The following USP45 variants were observed in gnomAD, a reference collection of about 807,000 sequenced individuals.
USP45 encodes the protein ubiquitin specific peptidase 45.
USP45 carries 89 observed loss-of-function variants against 95.8 expected under a neutral mutation model. The ratio of observed to expected loss-of-function variants is 0.93; its 90% CI spans 0.78 to 1.11. The LOEUF (loss-of-function observed/expected upper bound fraction) is 1.11, where lower values mean the gene tolerates loss of function less well. Among genes scored for constraint, USP45 ranks in the 50% least tolerant of loss-of-function variants. The pLI is 0.00. For missense variants in USP45, 898 were observed against 942.5 expected, an observed-to-expected ratio of 0.95 and a Z score of 0.62; for synonymous variants, 281 against 316.2, an observed-to-expected ratio of 0.89 and a Z score of 1.18.
At chr6:99,464,502 A>C in intron 13 of USP45, 102 bp downstream of exon 13, 7 of 1,312,598 alleles carry the variant, frequency 5.3e-6, no homozygotes, top group Non-Finnish European at 7.1e-6. Context: ...AAATGGGTAC[A>C]TGAGAGTTTA....
At chr6:99,437,713 A>C (rs1014178928) in intron 16 of USP45, among the ~76,000 whole-genome samples, 2 of 151,832 alleles carry the variant, frequency 1.3e-5, no homozygotes, top group Non-Finnish European at 2.9e-5. Context: ...GCTGGAGTGC[A>C]ATGGTGTGAT....
At chr6:99,484,260 T>G (rs1793264160) in intron 7 of USP45, among the ~76,000 whole-genome samples, 1 of 151,794 alleles carries the variant, frequency 6.6e-6, no homozygotes, top group Non-Finnish European at 1.5e-5. Flanking sequence ...TTCAAACTCT[T>G]GGACCCAAGT....
At chr6:99,514,451 C>T (rs933879462) in intron 1 of USP45, among the ~76,000 whole-genome samples, 15 of 152,284 alleles carry the variant, frequency 9.9e-5, no homozygotes, top group East Asian at 1.9e-4. Flanking sequence ...GCAAGCAGTC[C>T]TTTCTAAGGA....
chr6:99,490,371 G>C (rs1024519716), intron 5 of USP45, among the ~76,000 whole-genome samples: 3 of 151,316 alleles, frequency 2.0e-5, no homozygotes, highest in African/African-American at 7.3e-5. Flanking sequence ...GTAGAGAAGA[G>C]GTTTCACCAT....
At position 99,503,673 on chromosome 6, in the gene USP45, C is replaced by A; in HGVS notation, c.478+92G>T. ...ATTCAAATTATTGGCTGGGCTGTCACAGTAAAATCTAAAGTATTCTTTATG... is the reference window on the plus strand; with the variant it reads ...ATTCAAATTATTGGCTGGGCTGTCAAAGTAAAATCTAAAGTATTCTTTATG... On this transcript the variant is annotated intron_variant, in intron 5 of 17. Coordinates refer to ENST00000500704, the MANE Select transcript of USP45 (RefSeq NM_001346022.3). 4 of 847,816 alleles carry A rather than the reference C, an allele frequency of 4.7e-6. No individual in the cohort carries two copies. The South Asian group carries it at 6.5e-5, about 14-fold the overall frequency. 52.5% of individuals were successfully genotyped at this position (847,816 alleles called of 1,614,324 possible). A position where few individuals can be genotyped will look rare whatever the true frequency, so the allele number is the denominator to read the frequency against.
chr6:99,503,644 C>T, intron 5 of USP45, 121 bp downstream of exon 5: 2 of 692,376 alleles, frequency 2.9e-6, no homozygotes, highest in Non-Finnish European at 2.3e-6. Flanking sequence ...CTCATAATAT[C>T]TTTATTCAAA....
chr6:99,461,107 A>T (rs1242274509), intron 13 of USP45: 9 of 894,434 alleles, frequency 1.0e-5, no homozygotes, highest in African/African-American at 1.8e-5. Context: ...TTTATGAAAT[A>T]AAAAAAAAAT....
chr6:99,467,760 T>A (rs928292175), intron 10 of USP45, among the ~76,000 whole-genome samples: 4 of 152,032 alleles, frequency 2.6e-5, no homozygotes, highest in African/African-American at 9.7e-5. Context: ...CTACGTTTTT[T>A]AAAAATCTTG....
chr6:99,474,235 T>C (rs1487565093), intron 9 of USP45, among the ~76,000 whole-genome samples: 1 of 152,214 alleles, frequency 6.6e-6, no homozygotes, highest in African/African-American at 2.4e-5. Context: ...CTCTGCTCTG[T>C]TGCCCAGGCT....
rs1267713849 is a variant in USP45 at position 99,486,398 on chromosome 6, C to T, written c.714+1802G>A. 3.3e-5 allele frequency among the ~76,000 whole-genome samples: 5 copies of T among 152,150 alleles called. No individual in the cohort carries two copies. In the South Asian group the frequency reaches 8.3e-4, roughly 25 times the overall value. ...CAAATATTTAAACTCAACATCCAAT[C>T]GCATTTAACAGGAAATCACATTTAA... On this transcript the variant is annotated intron_variant, in intron 7 of 17. Coordinates refer to ENST00000500704, the MANE Select transcript of USP45 (RefSeq NM_001346022.3).
intron 9 of USP45, among the ~76,000 whole-genome samples, chr6:99,473,746 C>A (rs572116555): frequency 8.7e-5 from 6 of 69,180 alleles, no homozygotes; most frequent in African/African-American, 2.3e-4. Context: ...CAGAGTGAGA[C>A]CCTGTCTCAA....
intron 8 of USP45, 131 bp downstream of exon 8, chr6:99,482,622 A>T: frequency 1.2e-6 from 1 of 853,866 alleles, no homozygotes; most frequent in East Asian, 2.8e-5. Flanking sequence ...GAGCTGTAAC[A>T]AATTTTAGTT....
chr6:99,442,866 TTTAAG>T (rs1458889052), intron 15 of USP45, among the ~76,000 whole-genome samples: 2 of 151,924 alleles, frequency 1.3e-5, no homozygotes, highest in African/African-American at 4.8e-5. Context: ...AAAAAAATTA[TTTAAG>T]TTTTCTCCTT....
intron 5 of USP45, among the ~76,000 whole-genome samples, chr6:99,496,815 G>A (rs562460807): frequency 2.0e-5 from 3 of 150,396 alleles, no homozygotes; most frequent in Admixed American, 6.6e-5. Context: ...CTGAGCATAC[G>A]TTAATGGGGA....
At chr6:99,452,601 T>C (rs918997947) in intron 13 of USP45, among the ~76,000 whole-genome samples, 1 of 152,180 alleles carries the variant, frequency 6.6e-6, no homozygotes, top group Non-Finnish European at 1.5e-5. Context: ...AGTTCAACTA[T>C]TGTGGAAGAC....
intron 13 of USP45, among the ~76,000 whole-genome samples, chr6:99,455,357 A>G (rs1784813114): frequency 6.6e-6 from 1 of 152,128 alleles, no homozygotes; most frequent in Non-Finnish European, 1.5e-5. Flanking sequence ...AGGCTGAGGC[A>G]TGAGAATCAC....
intron 13 of USP45, among the ~76,000 whole-genome samples, chr6:99,458,957 T>C (rs891235560): frequency 2.0e-5 from 3 of 152,188 alleles, no homozygotes; most frequent in Non-Finnish European, 1.5e-5. Context: ...GTCACAGACT[T>C]GTTTTTGTTT....
At chr6:99,473,425 T>C (rs1789946302) in intron 9 of USP45, among the ~76,000 whole-genome samples, 1 of 151,626 alleles carries the variant, frequency 6.6e-6, no homozygotes, top group Admixed American at 6.6e-5. Context: ...TATGTGTCTG[T>C]AATCCCAGCT....
At chr6:99,489,816 G>C (rs952458388) in intron 5 of USP45, among the ~76,000 whole-genome samples, 1 of 152,008 alleles carries the variant, frequency 6.6e-6, no homozygotes, top group Non-Finnish European at 1.5e-5. Flanking sequence ...GCGTGGTGGT[G>C]CGTGCAAGCC....
Sources: gnomAD v4.1 joint callset for allele counts (sites outside exome capture counted in the v4.1 genomes callset) on GRCh38, gnomAD v4.1.1 for gene constraint, MANE v1.5 for transcripts, NCBI Gene and HGNC (gene_info 2026-07-23, HGNC 2026-07-21) for gene names.